MAP2K1: variants seen among roughly 807,000 people sequenced by gnomAD.
MAP2K1 encodes mitogen-activated protein kinase kinase 1.
A neutral mutation model predicts 46.3 loss-of-function variants in MAP2K1; 16 were observed. The observed-to-expected ratio is 0.35, with a 90% CI of 0.23 to 0.52. The LOEUF (loss-of-function observed/expected upper bound fraction) is 0.52, where lower values mean the gene tolerates loss of function less well. Ranked by LOEUF, MAP2K1 falls within the 20% of genes least tolerant of loss-of-function variation. MAP2K1 has a pLI of 0.94. For synonymous variants in MAP2K1, 183 were observed against 185.6 expected, an observed-to-expected ratio of 0.99 and a Z score of 0.11; for missense variants, 263 against 497.1, an observed-to-expected ratio of 0.53 and a Z score of 4.48.
chr15:66,479,440 G>C (rs1892861359), intron 5 of MAP2K1, among the ~76,000 whole-genome samples: 1 of 152,192 alleles, frequency 6.6e-6, no homozygotes, highest in South Asian at 2.1e-4. Context: ...GGAGGAACTA[G>C]GTGCCCTCTA....
At chr15:66,416,998 G>A (rs2093426145) in intron 1 of MAP2K1, among the ~76,000 whole-genome samples, 1 of 152,098 alleles carries the variant, frequency 6.6e-6, no homozygotes, top group East Asian at 1.9e-4. Context: ...GGCTGCTTCT[G>A]CCCACCCCAA....
chr15:66,397,831 C>T (rs915254377), intron 1 of MAP2K1, among the ~76,000 whole-genome samples: 2 of 152,172 alleles, frequency 1.3e-5, no homozygotes, highest in African/African-American at 2.4e-5. Flanking sequence ...AGGCCATTTG[C>T]GGTGGCTCAC....
chr15:66,489,085 G>A (rs1893150869), intron 8 of MAP2K1, 130 bp from the exon 9 acceptor site: 2 of 754,322 alleles, frequency 2.7e-6, no homozygotes, highest in South Asian at 1.4e-5. Context: ...GATGAGAGTA[G>A]TACTGCCTTT....
intron 5 of MAP2K1, among the ~76,000 whole-genome samples, chr15:66,474,594 T>C (rs1386302496): frequency 6.6e-6 from 1 of 152,176 alleles, no homozygotes; most frequent in Non-Finnish European, 1.5e-5. Context: ...GTACAACTTA[T>C]TATGGGTTGC....
chr15:66,487,297 G>A lies in MAP2K1; in HGVS notation c.960+5G>A. 1 of 1,613,910 alleles carries A rather than the reference G, an allele frequency of 6.2e-7. No individual in the cohort carries two copies. Among genetic ancestry groups the A allele is most frequent in the East Asian group, 2.2e-5 (1 of 44,886 alleles). On this transcript the variant is annotated splice_donor_5th_base_variant and intron_variant, in intron 8 of 10. Coordinates refer to ENST00000307102, the MANE Select transcript of MAP2K1 (RefSeq NM_002755.4). ...TTGGATTACATAGTCAACGAGGTAA[G>A]TACTGCCTGGTTTCCTTCACCTTGG...
chr15:66,421,107 CACACACACACACACACACATAT>C (rs796630656), intron 1 of MAP2K1, among the ~76,000 whole-genome samples: 2,326 of 64,814 alleles, frequency 0.036, 41 homozygotes, highest in South Asian at 0.17. Context: ...CACACACACA[CACACACACACACACACACATAT>C]ATATATATAT....
At chr15:66,441,262 G>A (rs2093502863) in intron 3 of MAP2K1, among the ~76,000 whole-genome samples, 2 of 152,130 alleles carry the variant, frequency 1.3e-5, no homozygotes, top group Admixed American at 1.3e-4. Context: ...CACTGCACCT[G>A]GTTTGTTTTT....
chr15:66,464,686 C>T (rs779665865), intron 5 of MAP2K1, among the ~76,000 whole-genome samples: 18 of 151,444 alleles, frequency 1.2e-4, no homozygotes, highest in South Asian at 6.3e-4. Context: ...CCACCATGAC[C>T]GGCTAATTTT....
chr15:66,419,883 GT>G (rs541855360), intron 1 of MAP2K1, among the ~76,000 whole-genome samples: 76 of 111,866 alleles, frequency 6.8e-4, no homozygotes, highest in African/African-American at 2.2e-3. Flanking sequence ...AATCAAACCT[GT>G]TTTTATGACA....
chr15:66,433,110 C>G (rs2093479062), intron 1 of MAP2K1, among the ~76,000 whole-genome samples: 1 of 152,022 alleles, frequency 6.6e-6, no homozygotes, highest in South Asian at 2.1e-4. Flanking sequence ...ACATGTGTTT[C>G]TAAATGTGGT....
intron 5 of MAP2K1, 87 bp from the exon 6 acceptor site, chr15:66,481,668 A>G: frequency 6.7e-7 from 1 of 1,501,008 alleles, no homozygotes; most frequent in Non-Finnish European, 9.2e-7. Flanking sequence ...ACTCGTGGTC[A>G]GGGCTGGTCT....
chr15:66,409,477 A>G (rs748369281), intron 1 of MAP2K1, among the ~76,000 whole-genome samples: 1 of 152,154 alleles, frequency 6.6e-6, no homozygotes, highest in African/African-American at 2.4e-5. Context: ...CTTGATGGAT[A>G]TGTGACATGG....
intron 5 of MAP2K1, among the ~76,000 whole-genome samples, chr15:66,479,077 A>G (rs1053026971): frequency 1.3e-5 from 2 of 149,608 alleles, no homozygotes; most frequent in Admixed American, 1.3e-4. Flanking sequence ...AAGTTGCTGG[A>G]TCTCTTGGGC....
chr15:66,395,053 A>G (rs892421557), intron 1 of MAP2K1, among the ~76,000 whole-genome samples: 7 of 152,242 alleles, frequency 4.6e-5, no homozygotes, highest in African/African-American at 1.7e-4. Flanking sequence ...TGCACCTTTC[A>G]AAGAAAGGAA....
chr15:66,424,859 G>A (rs929705351), intron 1 of MAP2K1, among the ~76,000 whole-genome samples: 1 of 138,600 alleles, frequency 7.2e-6, no homozygotes, highest in East Asian at 2.3e-4. Flanking sequence ...GTGCAGTGGT[G>A]CAATCTCGGC....
At chr15:66,440,639 A>G (rs1246665636) in intron 3 of MAP2K1, among the ~76,000 whole-genome samples, 2 of 152,218 alleles carry the variant, frequency 1.3e-5, no homozygotes, top group East Asian at 1.9e-4. Flanking sequence ...CCCAGAGTTA[A>G]TGGTTCTTGT....
chr15:66,442,388 A>C (rs1198324501), intron 3 of MAP2K1, among the ~76,000 whole-genome samples: 1 of 152,178 alleles, frequency 6.6e-6, no homozygotes, highest in African/African-American at 2.4e-5. Context: ...ATCTTATTGC[A>C]GTGCTCTGTT....
At chr15:66,436,647 C>T in intron 2 of MAP2K1, 99 bp from the exon 3 acceptor site, 2 of 1,199,588 alleles carry the variant, frequency 1.7e-6, no homozygotes, top group South Asian at 2.4e-5. Flanking sequence ...TTTCTCCTCC[C>T]TCTACCTTAA....
intron 4 of MAP2K1, 41 bp from the exon 5 acceptor site, chr15:66,444,615 T>C (rs1413604458): frequency 2.3e-6 from 3 of 1,299,214 alleles, no homozygotes; most frequent in South Asian, 2.4e-5. Context: ...ATTTTTCTTA[T>C]CACCAGTATT....
Sources: allele counts gnomAD v4.1 joint callset (sites outside exome capture counted in the v4.1 genomes callset), GRCh38; gene constraint gnomAD v4.1.1; transcripts MANE v1.5; gene names NCBI Gene and HGNC (gene_info 2026-07-23, HGNC 2026-07-21).